The following SLCO1B1 variants were observed in gnomAD, a reference collection of about 807,000 sequenced individuals.
SLCO1B1 encodes OATP-2.
Under a neutral mutation model 70.1 loss-of-function variants are expected in SLCO1B1, and 81 were observed. That is an observed-to-expected ratio of 1.16 (90% CI 0.97 to 1.39). The LOEUF is 1.39. Among genes scored for constraint, SLCO1B1 ranks in the 40% most tolerant of loss-of-function variants. The pLI, the probability that SLCO1B1 is intolerant of heterozygous loss-of-function variation, is 0.00. For synonymous variants in SLCO1B1, 283 were observed against 271.5 expected (o/e 1.04, Z -0.42); for missense variants, 895 against 799.6 (o/e 1.12, Z -1.44).
At chr12:21,179,088 C>G in intron 7 of SLCO1B1, 68 bp downstream of exon 7, 1 of 956,180 alleles carries the variant, frequency 1.0e-6, no homozygotes, top group African/African-American at 1.6e-5. Context: ...AACATTTTTT[C>G]AAATAACTGA....
chr12:21,238,891 C>A, intron 14 of SLCO1B1, 88 bp from the exon 15 acceptor site: 1 of 722,452 alleles, frequency 1.4e-6, no homozygotes, highest in South Asian at 1.9e-5. Context: ...AATTTTTTTT[C>A]TTTAGGATCT....
At chr12:21,217,631 T>G (rs185164926) in intron 12 of SLCO1B1, among the ~76,000 whole-genome samples, 16 of 152,284 alleles carry the variant, frequency 1.1e-4, no homozygotes, top group African/African-American at 3.6e-4. Flanking sequence ...CCTTACATCC[T>G]AATGAGAGAT....
chr12:21,215,272 G>A (rs191001208), intron 11 of SLCO1B1, among the ~76,000 whole-genome samples: 308 of 152,292 alleles, frequency 2.0e-3, no homozygotes, highest in African/African-American at 7.1e-3. Flanking sequence ...TAAGAAGAAT[G>A]CTTCCAGCTT....
In SLCO1B1 at chr12:21,196,959, A is replaced by G. The variant is rs543724799; in HGVS notation, c.741A>G (p.Ile247Met). The G allele has an allele frequency of 3.1e-6, 5 of 1,613,420 alleles. No homozygotes were observed. The South Asian group carries it at 4.4e-5, about 14-fold the overall frequency. The change falls in exon 8 of 15, where the codon ATA becomes ATG. Residue 247 changes from isoleucine to methionine, a missense_variant. Physicochemically the swap from Ile to Met is conservative, Grantham distance 10. Transcript: ENST00000256958. The stretch of plus-strand genomic sequence containing the variant: ...TATTTATTCTAGGCACTATCAGGAT[A>G]ACTCCTACTGATTCTCGATGGGTTG... Reference protein sequence around the residue: ...IGYVDLSTIRITPTDSRWVGA... With the variant: ...IGYVDLSTIRMTPTDSRWVGA...
intron 2 of SLCO1B1, among the ~76,000 whole-genome samples, chr12:21,154,045 T>G (rs1029240226): frequency 1.3e-5 from 2 of 151,554 alleles, no homozygotes; most frequent in Non-Finnish European, 2.9e-5. Context: ...TCTATTGATA[T>G]AGTTAGACTT....
chr12:21,202,754 AAT>A (rs1941173701), intron 10 of SLCO1B1, 68 bp downstream of exon 10: 5 of 1,242,688 alleles, frequency 4.0e-6, no homozygotes, highest in Non-Finnish European at 4.6e-6. Flanking sequence ...CTGTATAAGT[AAT>A]ATAAGGCAGA....
At chr12:21,137,705 G>C (rs1199701537) in intron 1 of SLCO1B1, among the ~76,000 whole-genome samples, 2 of 152,180 alleles carry the variant, frequency 1.3e-5, no homozygotes, top group Non-Finnish European at 2.9e-5. Flanking sequence ...TATTAGGGTG[G>C]GAGTGACCCA....
intron 2 of SLCO1B1, among the ~76,000 whole-genome samples, chr12:21,167,800 T>C (rs550144198): frequency 2.0e-5 from 3 of 151,722 alleles, no homozygotes; most frequent in Admixed American, 6.6e-5. Flanking sequence ...AAATATTTCT[T>C]TCTTTTTTCT....
In SLCO1B1 at chr12:21,198,786, A is replaced by C. The variant is rs79276988; in HGVS notation, c.970+1598A>C. Among the ~76,000 whole-genome samples, 7 of 152,260 alleles carry C rather than the reference A, an allele frequency of 4.6e-5. No individual in the cohort carries two copies. In the East Asian group the frequency reaches 1.4e-3, roughly 29 times the overall value. Reference sequence around the variant, plus strand: ...CAAAAGTGGAGGAAATTGCTTCCTAAGGTACTTAGTTTAATGCCACTTAAG... The same window carrying C: ...CAAAAGTGGAGGAAATTGCTTCCTACGGTACTTAGTTTAATGCCACTTAAG... On this transcript the variant is annotated intron_variant, in intron 8 of 14. Coordinates refer to ENST00000256958, the MANE Select transcript of SLCO1B1 (RefSeq NM_006446.5).
intron 8 of SLCO1B1, 93 bp downstream of exon 8, chr12:21,197,281 A>C (rs781222971): frequency 1.0e-4 from 141 of 1,379,772 alleles, no homozygotes; most frequent in Middle Eastern, 2.4e-4. Context: ...TACCCAACTC[A>C]TCTGGAGTTG....
chr12:21,155,435 T>C (rs1357764809), intron 2 of SLCO1B1, among the ~76,000 whole-genome samples: 1 of 152,156 alleles, frequency 6.6e-6, no homozygotes, highest in African/African-American at 2.4e-5. Context: ...TCTTTTCTTA[T>C]ATATTTTGTG....
chr12:21,171,598 C>T (rs1175446903), intron 2 of SLCO1B1, among the ~76,000 whole-genome samples: 1 of 152,094 alleles, frequency 6.6e-6, no homozygotes, highest in Admixed American at 6.6e-5. Flanking sequence ...ATAATTGAAG[C>T]TAGGCATGGT....
rs570434701 is a variant in SLCO1B1 at position 21,239,479 on chromosome 12, T to C, written c.*290T>C. Among the ~76,000 whole-genome samples, 1 of 152,294 alleles carries C rather than the reference T, an allele frequency of 6.6e-6. No homozygotes were observed. The highest frequency in any genetic ancestry group is 2.4e-5 in the African/African-American group (1 of 41,556). On this transcript the variant is annotated 3_prime_UTR_variant, in exon 15 of 15. Transcript: ENST00000256958. ...ACTGTGTAATAAAAGAAAAAATACT[T>C]GTTCAGGTAATTCTAATTCTTAATA...
Position 21,174,717 on chromosome 12 carries a change from T to TCA in SLCO1B1, c.359+8_359+9insCA. The TCA allele has an allele frequency of 6.5e-7, 1 of 1,541,556 alleles. No homozygotes were observed. Among genetic ancestry groups the TCA allele is most frequent in the Non-Finnish European group, 8.7e-7 (1 of 1,145,666 alleles). On this transcript the variant is annotated intron_variant, in intron 4 of 14. Coordinates refer to ENST00000256958, the MANE Select transcript of SLCO1B1 (RefSeq NM_006446.5). ...ACATTTCTTCATGGGATAGTAAGTG[T>TCA]TAAAAAAAAAAAAAACCTCTGTGCC... is the stretch of plus-strand genomic sequence containing the variant.
intron 14 of SLCO1B1, among the ~76,000 whole-genome samples, chr12:21,235,445 C>T (rs945385302): frequency 6.8e-6 from 1 of 147,048 alleles, no homozygotes. Context: ...TCCTTACATA[C>T]GAGATGGATT....
At chr12:21,228,867 A>G (rs925481504) in intron 14 of SLCO1B1, among the ~76,000 whole-genome samples, 2 of 152,132 alleles carry the variant, frequency 1.3e-5, no homozygotes, top group African/African-American at 2.4e-5. Flanking sequence ...TTTCTTTCAT[A>G]AAGTTCACAC....
intron 2 of SLCO1B1, among the ~76,000 whole-genome samples, chr12:21,142,433 C>A (rs574145137): frequency 6.6e-6 from 1 of 152,014 alleles, no homozygotes; most frequent in African/African-American, 2.4e-5. Flanking sequence ...GCCTTTAAAT[C>A]CCCATATGGA....
intron 7 of SLCO1B1, among the ~76,000 whole-genome samples, chr12:21,180,704 G>A (rs1430179160): frequency 6.6e-6 from 1 of 152,066 alleles, no homozygotes; most frequent in Non-Finnish European, 1.5e-5. Context: ...TGTTTTACAT[G>A]TTCAATTTTA....
At chr12:21,233,360 A>G (rs1591752400) in intron 14 of SLCO1B1, among the ~76,000 whole-genome samples, 1 of 152,106 alleles carries the variant, frequency 6.6e-6, no homozygotes, top group East Asian at 1.9e-4. Flanking sequence ...CACAACAAAG[A>G]CAAGACAGAC....
Sources: allele counts gnomAD v4.1 joint callset (sites outside exome capture counted in the v4.1 genomes callset), GRCh38; gene constraint gnomAD v4.1.1; transcripts MANE v1.5; gene names NCBI Gene and HGNC (gene_info 2026-07-23, HGNC 2026-07-21).